Variants in STXBP6 observed in about 807,000 individuals in gnomAD.
STXBP6 encodes the protein syntaxin binding protein 6, also known as syntaxin-binding protein 6.
In STXBP6, 21 loss-of-function variants were observed where a neutral mutation model predicts 26.9. The observed-to-expected ratio is 0.78, with a 90% confidence interval of 0.55 to 1.12. The LOEUF (loss-of-function observed/expected upper bound fraction) is 1.12. Among genes scored for constraint, STXBP6 ranks in the 50% most tolerant of loss-of-function variants. The pLI is 0.00. For synonymous variants in STXBP6, 97 were observed against 92.6 expected, an observed-to-expected ratio of 1.05 and a Z score of -0.27; for missense variants, 232 against 257.9, an observed-to-expected ratio of 0.90 and a Z score of 0.69.
Position 24,986,230 on chromosome 14 carries a change from T to C in STXBP6, c.-32-11380A>G, listed in dbSNP as rs576157848. Among the ~76,000 whole-genome samples, 135 of 152,328 alleles carry C rather than the reference T, an allele frequency of 8.9e-4. 1 individual carries two copies. The highest frequency in any genetic ancestry group is 3.0e-3 in the African/African-American group (125 of 41,574). On this transcript the variant is annotated intron_variant, in intron 1 of 5. Coordinates refer to ENST00000323944, the MANE Select transcript of STXBP6 (RefSeq NM_001394410.1). ...AACCTTAACTCTTGGCTATCACCTT[T>C]TTCCCCTTGAATTTTCACAGTTTGT...
intron 4 of STXBP6, among the ~76,000 whole-genome samples, chr14:24,843,657 T>C (rs575803128): frequency 6.6e-6 from 1 of 152,284 alleles, no homozygotes; most frequent in African/African-American, 2.4e-5. Flanking sequence ...CACAGACCAA[T>C]AACAGACCTG....
chr14:24,975,568 T>A lies in STXBP6; in HGVS notation c.-32-718A>T, dbSNP rs2074023394. ...TTCTAAAAACATATCTGACTAATGCTAAGTATTTTGGAAATGTTACCCAGC... is the reference window on the plus strand; with the variant it reads ...TTCTAAAAACATATCTGACTAATGCAAAGTATTTTGGAAATGTTACCCAGC... On this transcript the variant is annotated intron_variant, in intron 1 of 5. Coordinates refer to ENST00000323944, the MANE Select transcript of STXBP6 (RefSeq NM_001394410.1). Among the ~76,000 whole-genome samples, 3 of 152,180 alleles carry A rather than the reference T, an allele frequency of 2.0e-5. No homozygotes were observed. The South Asian group carries it at 6.2e-4, about 32-fold the overall frequency.
chr14:25,031,989 G>A (rs2075465054), intron 1 of STXBP6, among the ~76,000 whole-genome samples: 1 of 152,104 alleles, frequency 6.6e-6, no homozygotes. Flanking sequence ...AGAAGGTGGG[G>A]AGTGGAAAAT....
intron 1 of STXBP6, among the ~76,000 whole-genome samples, chr14:24,975,427 A>G (rs897425354): frequency 1.2e-4 from 19 of 152,204 alleles, no homozygotes; most frequent in Admixed American, 1.0e-3. Context: ...ATGAATTCTT[A>G]TTTATTAGCT....
At chr14:24,905,043 C>T (rs1399686395) in intron 2 of STXBP6, among the ~76,000 whole-genome samples, 1 of 152,164 alleles carries the variant, frequency 6.6e-6, no homozygotes, top group Non-Finnish European at 1.5e-5. Flanking sequence ...CTCTTTGTAT[C>T]TAAGTTTCTC....
intron 1 of STXBP6, among the ~76,000 whole-genome samples, chr14:25,006,701 A>C (rs1007286590): frequency 1.5e-4 from 23 of 152,168 alleles, no homozygotes; most frequent in Admixed American, 7.2e-4. Context: ...TACAGCATAA[A>C]ATTTCCCTGA....
At chr14:24,841,739 G>C (rs1438546718) in intron 4 of STXBP6, among the ~76,000 whole-genome samples, 1 of 152,066 alleles carries the variant, frequency 6.6e-6, no homozygotes, top group East Asian at 1.9e-4. Flanking sequence ...TCATTTCCAG[G>C]ATTATTTTTT....
chr14:24,996,777 C>T (rs892940015), intron 1 of STXBP6, among the ~76,000 whole-genome samples: 3 of 147,110 alleles, frequency 2.0e-5, no homozygotes, highest in African/African-American at 7.6e-5. Context: ...ATCGCTTGAA[C>T]CCGGGAGACA....
Position 24,812,713 on chromosome 14 carries a change from C to A in STXBP6, c.629G>T (p.Cys210Phe). The A allele has an allele frequency of 6.2e-7, 1 of 1,613,782 alleles. No individual in the cohort carries two copies. The highest frequency in any genetic ancestry group is 8.5e-7 in the Non-Finnish European group (1 of 1,179,774). Residue 210 changes from cysteine (C) to phenylalanine (F), a missense_variant, in exon 6 of 6, where the codon TGT becomes TTT. Coordinates refer to ENST00000323944, the MANE Select transcript of STXBP6 (RefSeq NM_001394410.1). ...TAHKLAMKHK[C>F] ...GTCACCAGGATAGGCAGTTTCTCAA[C>A]ATTTGTGCTTCATGGCAAGCTAAGG...
At chr14:24,965,489 G>A in intron 2 of STXBP6, among the ~76,000 whole-genome samples, 1 of 151,888 alleles carries the variant, frequency 6.6e-6, no homozygotes. Context: ...CAATCTTTGT[G>A]TGGCAAGAAC....
intron 1 of STXBP6, among the ~76,000 whole-genome samples, chr14:24,985,975 G>C (rs565966308): frequency 6.6e-6 from 1 of 152,106 alleles, no homozygotes; most frequent in African/African-American, 2.4e-5. Context: ...TATTGCTCTC[G>C]ACTTTTTTAA....
At chr14:25,045,446 T>G (rs190656397) in intron 1 of STXBP6, among the ~76,000 whole-genome samples, 8 of 152,152 alleles carry the variant, frequency 5.3e-5, no homozygotes, top group African/African-American at 1.9e-4. Flanking sequence ...TTCAATCAGC[T>G]GGACAGCATT....
intron 1 of STXBP6, among the ~76,000 whole-genome samples, chr14:25,024,696 T>C (rs1186862806): frequency 6.6e-6 from 1 of 152,194 alleles, no homozygotes; most frequent in Admixed American, 6.5e-5. Context: ...CTAGCAATAC[T>C]GCTAGCATAA....
At chr14:25,024,895 T>C (rs2075321411) in intron 1 of STXBP6, among the ~76,000 whole-genome samples, 1 of 152,210 alleles carries the variant, frequency 6.6e-6, no homozygotes, top group African/African-American at 2.4e-5. Flanking sequence ...ACTAAAACTT[T>C]CTTCTGTAAT....
intron 2 of STXBP6, among the ~76,000 whole-genome samples, chr14:24,955,229 T>C (rs1271312956): frequency 6.6e-6 from 1 of 152,188 alleles, no homozygotes; most frequent in African/African-American, 2.4e-5. Flanking sequence ...CATCCTCTTC[T>C]AAATGGTCAA....
At chr14:24,932,436 G>A (rs1380840793) in intron 2 of STXBP6, among the ~76,000 whole-genome samples, 1 of 152,128 alleles carries the variant, frequency 6.6e-6, no homozygotes, top group African/African-American at 2.4e-5. Context: ...TGAAAAGATG[G>A]CTTGAGCCCA....
chr14:24,936,516 C>T (rs896382930), intron 2 of STXBP6, among the ~76,000 whole-genome samples: 3 of 152,138 alleles, frequency 2.0e-5, no homozygotes, highest in African/African-American at 7.2e-5. Context: ...TGTAAAGAAT[C>T]TTATAGATTA....
At chr14:24,827,921 T>C (rs994588329) in intron 4 of STXBP6, among the ~76,000 whole-genome samples, 20 of 152,216 alleles carry the variant, frequency 1.3e-4, no homozygotes, top group African/African-American at 4.3e-4. Context: ...TCTTACTATG[T>C]AGAACATACA....
intron 4 of STXBP6, among the ~76,000 whole-genome samples, chr14:24,842,453 T>C (rs1318507420): frequency 6.6e-6 from 1 of 152,228 alleles, no homozygotes; most frequent in African/African-American, 2.4e-5. Context: ...ATGGATATAC[T>C]TATGTTTTCT....
Sources: allele counts gnomAD v4.1 joint callset (sites outside exome capture counted in the v4.1 genomes callset), GRCh38; gene constraint gnomAD v4.1.1; transcripts MANE v1.5; gene names NCBI Gene and HGNC (gene_info 2026-07-23, HGNC 2026-07-21).